CLECL1: variants seen among roughly 807,000 people sequenced by gnomAD.
The protein encoded by CLECL1 is C-type lectin like 1, also known as C-type lectin-like domain family 1.
chr12:9,725,548 T>A (rs954479250), intron 3 of CLECL1, among the ~76,000 whole-genome samples: 15 of 151,842 alleles, frequency 9.9e-5, no homozygotes, highest in African/African-American at 3.6e-4. Context: ...TCATAGAATA[T>A]AAAAAAATAG....
chr12:9,720,446 G>A (rs138735401), downstream of CLECL1, among the ~76,000 whole-genome samples: 636 of 151,538 alleles, frequency 4.2e-3, 6 homozygotes, highest in African/African-American at 0.014. Flanking sequence ...AGGTTCAAGC[G>A]ATTCTCCTGC....
chr12:9,729,342 T>C (rs1866417746), intron 2 of CLECL1, among the ~76,000 whole-genome samples: 1 of 152,168 alleles, frequency 6.6e-6, no homozygotes, highest in Admixed American at 6.5e-5. Context: ...CTGCATGATC[T>C]TGATCATAAA....
chr12:9,703,669 A>G, the CLECL1 span, among the ~76,000 whole-genome samples: 6 of 152,286 alleles, frequency 3.9e-5, no homozygotes, highest in African/African-American at 1.2e-4. Context: ...TGCTTGGATT[A>G]TAGTTGTGAG....
At chr12:9,733,014 A>G (rs1866468452) in exon 1 of CLECL1, 1 of 1,614,194 alleles carries the variant, frequency 6.2e-7, no homozygotes, top group Admixed American at 1.7e-5. Flanking sequence ...GTCAGCGTAG[A>G]CTACATCTCC....
exon 3 of CLECL1, chr12:9,716,573 A>G (rs1242676865): frequency 1.3e-5 from 3 of 230,832 alleles, no homozygotes; most frequent in Non-Finnish European, 2.6e-5. Flanking sequence ...TACTTCAGCC[A>G]TCTCCTGGCG....
At chr12:9,716,699 T>C (rs1591714682) in exon 3 of CLECL1, 2 of 982,972 alleles carry the variant, frequency 2.0e-6, no homozygotes, top group Non-Finnish European at 2.7e-6. Flanking sequence ...GACAGACATA[T>C]GGATGCCTGT....
chr12:9,712,298 G>A (rs528963921), downstream of CLECL1, among the ~76,000 whole-genome samples: 27 of 152,196 alleles, frequency 1.8e-4, no homozygotes, highest in Non-Finnish European at 2.8e-4. Flanking sequence ...GTCTAACGAT[G>A]TAAGTCTTTA....
chr12:9,713,326 TATG>T (rs567451909), downstream of CLECL1, among the ~76,000 whole-genome samples: 1 of 152,236 alleles, frequency 6.6e-6, no homozygotes, highest in Non-Finnish European at 1.5e-5. Flanking sequence ...CAAGTTACTA[TATG>T]ATGAGGCTCC....
At chr12:9,716,734 G>A (rs941542065) in exon 3 of CLECL1, 1 of 1,267,216 alleles carries the variant, frequency 7.9e-7, no homozygotes. Flanking sequence ...CAGCACTGAA[G>A]TCTAGGAACT....
chr12:9,718,598 A>T, downstream of CLECL1: 2 of 564,060 alleles, frequency 3.5e-6, no homozygotes, highest in South Asian at 4.8e-5. Context: ...TCAGAATGTG[A>T]CTGTATATGG....
chr12:9,719,228 AG>A (rs1416239919), downstream of CLECL1, among the ~76,000 whole-genome samples: 1 of 152,152 alleles, frequency 6.6e-6, no homozygotes, highest in Non-Finnish European at 1.5e-5. Flanking sequence ...TGAGACCAGG[AG>A]TTTGAGAACA....
At chr12:9,732,292 A>G (rs1866456985) in intron 1 of CLECL1, among the ~76,000 whole-genome samples, 1 of 152,222 alleles carries the variant, frequency 6.6e-6, no homozygotes, top group Non-Finnish European at 1.5e-5. Context: ...GAGAATGGAA[A>G]TGTAACAAGA....
the CLECL1 span, among the ~76,000 whole-genome samples, chr12:9,702,376 T>G: frequency 1.3e-5 from 2 of 152,196 alleles, no homozygotes; most frequent in African/African-American, 4.8e-5. Flanking sequence ...GCTTCTTCTT[T>G]TCTTTCTTTC....
At chr12:9,714,791 C>T (rs893763795), downstream of CLECL1, among the ~76,000 whole-genome samples, 1 of 152,206 alleles carries the variant, frequency 6.6e-6, no homozygotes, top group Admixed American at 6.5e-5. Flanking sequence ...TTTCTACAAA[C>T]ATAACATGAA....
the CLECL1 span, among the ~76,000 whole-genome samples, chr12:9,703,731 C>T: frequency 5.8e-3 from 874 of 150,132 alleles, 2 homozygotes; most frequent in Non-Finnish European, 9.5e-3. Context: ...AACACTTGCC[C>T]GCATATATAT....
chr12:9,724,758 T>G (rs1866358771), intron 3 of CLECL1, among the ~76,000 whole-genome samples: 1 of 150,798 alleles, frequency 6.6e-6, no homozygotes, highest in African/African-American at 2.4e-5. Flanking sequence ...AGAGAAAGAT[T>G]AGGGCAAAAC....
At chr12:9,722,834 CA>C (rs754888276) in intron 3 of CLECL1, 21 bp from the exon 2 acceptor site, 28 of 1,546,890 alleles carry the variant, frequency 1.8e-5, no homozygotes, top group Non-Finnish European at 2.5e-5. Flanking sequence ...GGAAGATAAG[CA>C]ATTAAAATCA....
downstream of CLECL1, among the ~76,000 whole-genome samples, chr12:9,721,485 A>G (rs772915866): frequency 6.6e-6 from 1 of 152,306 alleles, no homozygotes; most frequent in East Asian, 1.9e-4. Flanking sequence ...TAAAGCTTAA[A>G]CTGGAGGAAG....
At chr12:9,718,360 ATT>A (rs76736771), downstream of CLECL1, among the ~76,000 whole-genome samples, 4 of 147,524 alleles carry the variant, frequency 2.7e-5, no homozygotes, top group East Asian at 4.0e-4. Flanking sequence ...TTTCCTTACT[ATT>A]TTTTTTTTGT....
Sources: allele counts gnomAD v4.1 joint callset (sites outside exome capture counted in the v4.1 genomes callset), GRCh38; gene constraint gnomAD v4.1.1; transcripts MANE v1.5; gene names NCBI Gene and HGNC (gene_info 2026-07-23, HGNC 2026-07-21).